The following DYNC1H1 variants were observed in gnomAD, a reference collection of about 807,000 sequenced individuals.
DYNC1H1 encodes the protein dynein cytoplasmic 1 heavy chain 1.
Under a neutral mutation model 527.1 loss-of-function variants are expected in DYNC1H1, and 51 were observed. The observed-to-expected ratio is 0.10, with a 90% confidence interval of 0.08 to 0.12. The LOEUF (loss-of-function observed/expected upper bound fraction) is 0.12. DYNC1H1 is among the 10% of genes least tolerant of loss of function. The pLI, the probability that DYNC1H1 is intolerant of heterozygous loss-of-function variation, is 1.00. For synonymous variants in DYNC1H1, 2,189 were observed against 2,278.8 expected (o/e 0.96, Z 1.12); for missense variants, 2,771 against 5,971.8 (o/e 0.46, Z 17.66).
At chr14:102,008,648 A>G (rs1156610128) in intron 29 of DYNC1H1, among the ~76,000 whole-genome samples, 2 of 152,102 alleles carry the variant, frequency 1.3e-5, no homozygotes, top group Non-Finnish European at 2.9e-5. Flanking sequence ...TTAGCCTGAC[A>G]TGGTGGTGCA....
At chr14:102,048,435 G>A (rs931462299) in intron 73 of DYNC1H1, 81 bp from the exon 74 acceptor site, 4 of 1,591,138 alleles carry the variant, frequency 2.5e-6, no homozygotes, top group Admixed American at 1.7e-5. Context: ...TCTCCCCGGA[G>A]GCCGAGTTAC....
Position 102,044,521 on chromosome 14 carries a change from G to GTT in DYNC1H1, c.12902+31_12902+32dup, listed in dbSNP as rs759124377. The GTT allele has an allele frequency of 3.1e-6, 5 of 1,614,178 alleles. No homozygotes were observed. The South Asian group carries it at 5.5e-5, about 18-fold the overall frequency. On this transcript the variant is annotated intron_variant, in intron 71 of 77. Transcript: ENST00000360184. This position sits in a 1 kb window ranked among gnomAD's most constrained non-coding sequence, Gnocchi z 7.1. The stretch of plus-strand genomic sequence containing the variant: ...GCTGCTGCCTGCTGGAATGGAGACA[G>GTT]TTGTGATGTCAGGGCGTCTGGTGTC...
At chr14:102,014,764 G>A (rs2048300554) in intron 34 of DYNC1H1, among the ~76,000 whole-genome samples, 1 of 152,116 alleles carries the variant, frequency 6.6e-6, no homozygotes, top group African/African-American at 2.4e-5. Flanking sequence ...TAGAGAGAAT[G>A]GTGAATACTG....
At position 102,044,797 on chromosome 14, in the gene DYNC1H1, CT is replaced by C; in HGVS notation, c.13006+100del. On this transcript the variant is annotated intron_variant, in intron 72 of 77. Transcript: ENST00000360184. The surrounding 1 kb of genome is among the most constrained non-coding windows in gnomAD (Gnocchi z 7.1). ...TCCCCACACGCAGGGTGAGTGTGCA[CT>C]GCTGTCCCAGGGCCCTCCCTGGTTA... is the stretch of plus-strand genomic sequence containing the variant. The C allele has an allele frequency of 7.1e-7, 1 of 1,398,800 alleles. No homozygotes were observed. The highest frequency in any genetic ancestry group is 1.0e-6 in the Non-Finnish European group (1 of 999,974). The allele number at this position is 1,398,800 out of a possible 1,614,324, so 86.6% of individuals were successfully genotyped here.
At chr14:102,028,234 A>G (rs2048472124) in intron 48 of DYNC1H1, 93 bp downstream of exon 48, 5 of 1,442,444 alleles carry the variant, frequency 3.5e-6, no homozygotes, top group Non-Finnish European at 4.8e-6. Context: ...CCTTAAGGCC[A>G]GGTGCAGTGA....
At chr14:102,009,585 A>G (rs2048235447) in intron 29 of DYNC1H1, 1 of 503,062 alleles carries the variant, frequency 2.0e-6, no homozygotes, top group African/African-American at 1.9e-5. Flanking sequence ...GTGTTGCCCA[A>G]ATAAAATAGT....
intron 11 of DYNC1H1, among the ~76,000 whole-genome samples, chr14:101,993,000 G>C (rs538012243): frequency 1.3e-5 from 2 of 151,468 alleles, no homozygotes; most frequent in African/African-American, 4.9e-5. Flanking sequence ...CTCTGTGTTC[G>C]TATCTCCAGC....
At chr14:101,987,015 A>C (rs1046469188) in intron 8 of DYNC1H1, among the ~76,000 whole-genome samples, 2 of 152,258 alleles carry the variant, frequency 1.3e-5, no homozygotes, top group Non-Finnish European at 2.9e-5. Context: ...AGTCCAACAG[A>C]GAGCAGAATG....
Position 102,002,683 on chromosome 14 carries a change from G to A in DYNC1H1, c.4689G>A (p.Val1563=). The change falls in exon 22 of 78, where the codon GTG becomes GTA. Residue 1563 remains valine, a synonymous_variant. Transcript: ENST00000360184. This position sits in a 1 kb window ranked among gnomAD's most constrained non-coding sequence, Gnocchi z 4.4. ...GSADIKHLLP[V]ETQRFQSIST... Reference sequence around the variant, plus strand: ...CAGATATCAAGCACCTGCTGCCAGTGGAAACCCAGCGGTTTCAGAGGTATG... The same window carrying A: ...CAGATATCAAGCACCTGCTGCCAGTAGAAACCCAGCGGTTTCAGAGGTATG... 1.2e-6 allele frequency: 2 copies of A among 1,614,256 alleles called. No individual in the cohort carries two copies. Among genetic ancestry groups the A allele is most frequent in the South Asian group, 1.1e-5 (1 of 91,084 alleles).
At chr14:102,047,697 T>C (rs920015786) in intron 72 of DYNC1H1, 120 bp from the exon 73 acceptor site, 35 of 1,079,488 alleles carry the variant, frequency 3.2e-5, no homozygotes, top group Non-Finnish European at 4.1e-5. Flanking sequence ...CAGATTTTGC[T>C]GCAGTTCCCA....
At position 102,041,467 on chromosome 14, in the gene DYNC1H1, G is replaced by T; in HGVS notation, c.11942-107G>T. On this transcript the variant is annotated intron_variant, in intron 64 of 77. Coordinates refer to ENST00000360184, the MANE Select transcript of DYNC1H1 (RefSeq NM_001376.5). The surrounding 1 kb of genome is among the most constrained non-coding windows in gnomAD (Gnocchi z 4.5). ...TCCTGATTTGAGCTGATCCTGAAAT[G>T]CTGAGCATTTGCTGAGTGGGTACTT... is the stretch of plus-strand genomic sequence containing the variant. The T allele has an allele frequency of 3.2e-6, 5 of 1,563,062 alleles. No individual in the cohort carries two copies. In the Middle Eastern group the frequency reaches 6.8e-4, roughly 213 times the overall value.
chr14:102,050,649 G>C lies in DYNC1H1; in HGVS notation c.*86G>C, dbSNP rs1429792032. On this transcript the variant is annotated 3_prime_UTR_variant, in exon 78 of 78. Coordinates refer to ENST00000360184, the MANE Select transcript of DYNC1H1 (RefSeq NM_001376.5). ...TAAAATATTTGGAAGGTCTGAGCTT[G>C]TGAAAAGAAAGTGGTTGGTCTGAGG... 15 of 1,606,396 alleles carry C rather than the reference G, an allele frequency of 9.3e-6. No individual in the cohort carries two copies. Among genetic ancestry groups the C allele is most frequent in the Non-Finnish European group, 1.3e-5 (15 of 1,175,330 alleles).
chr14:101,997,628 C>T lies in DYNC1H1; in HGVS notation c.3804+354C>T, dbSNP rs536812396. 2.6e-5 allele frequency among the ~76,000 whole-genome samples: 4 copies of T among 152,288 alleles called. No homozygotes were observed. The East Asian group carries it at 5.8e-4, about 22-fold the overall frequency. On this transcript the variant is annotated intron_variant, in intron 16 of 77. Transcript: ENST00000360184. The surrounding 1 kb of genome is among the most constrained non-coding windows in gnomAD (Gnocchi z 4.8). ...GTTAATTTAATTTTGGTTGGATGGT[C>T]TCTGTTTTTGCCAGTGCTGCCAGTG...
At position 102,039,577 on chromosome 14, in the gene DYNC1H1, G is replaced by C. The variant is rs17541512; in HGVS notation, c.11595+31G>C. On this transcript the variant is annotated intron_variant, in intron 61 of 77. Coordinates refer to ENST00000360184, the MANE Select transcript of DYNC1H1 (RefSeq NM_001376.5). This position sits in a 1 kb window ranked among gnomAD's most constrained non-coding sequence, Gnocchi z 7.0. ...GTGAGGTCCTCAGCCGCTCCCTGGC[G>C]GGGGGGAAGCAGGGTGCTGCTTCTC... 2.6e-4 allele frequency: 412 copies of C among 1,614,010 alleles called. No individual in the cohort carries two copies. The highest frequency in any genetic ancestry group is 1.0e-3 in the Admixed American group (63 of 60,018).
Position 102,033,761 on chromosome 14 carries a change from C to G in DYNC1H1, c.10414-215C>G. The G allele has an allele frequency of 1.4e-6, 1 of 690,246 alleles. No individual in the cohort carries two copies. Among genetic ancestry groups the G allele is most frequent in the South Asian group, 1.8e-5 (1 of 55,440 alleles). The allele number at this position is 690,246 out of a possible 1,614,324, so 42.8% of individuals were successfully genotyped here. The stretch of plus-strand genomic sequence containing the variant: ...TGCTCTGCTGCCTGAGGGCCTCGCT[C>G]CGTACCCAGCTTCTGCCCCGCTGAG... On this transcript the variant is annotated intron_variant, in intron 54 of 77. Transcript: ENST00000360184. This position sits in a 1 kb window ranked among gnomAD's most constrained non-coding sequence, Gnocchi z 5.6.
At chr14:102,031,558 G>A (rs904285669) in intron 51 of DYNC1H1, among the ~76,000 whole-genome samples, 2 of 152,114 alleles carry the variant, frequency 1.3e-5, no homozygotes, top group African/African-American at 2.4e-5. Flanking sequence ...TTAACTCCAC[G>A]TCTTTACGCA....
rs1332782601 is a variant in DYNC1H1, at chr14:102,007,891, C to A, written c.5818-287C>A. 2.6e-5 allele frequency among the ~76,000 whole-genome samples: 4 copies of A among 152,216 alleles called. No individual in the cohort carries two copies. In the East Asian group the frequency reaches 7.7e-4, roughly 29 times the overall value. ...TTCAGTTCCCAGTGAGGGCCCTCTT[C>A]CTGGCTTGCACGTGGCTATTTTGTC... On this transcript the variant is annotated intron_variant, in intron 28 of 77. Transcript: ENST00000360184.
At chr14:101,977,003 G>A (rs768261730) in intron 2 of DYNC1H1, among the ~76,000 whole-genome samples, 9 of 152,190 alleles carry the variant, frequency 5.9e-5, no homozygotes, top group Non-Finnish European at 1.0e-4. Context: ...ATATAAGCAA[G>A]TTAACGTTTG....
In DYNC1H1 at chr14:102,020,016, C is replaced by A. The variant is rs1248835520; in HGVS notation, c.8467C>A (p.Arg2823=). Residue 2823 remains arginine, a synonymous_variant, in exon 42 of 78, where the codon CGG becomes AGG. Transcript: ENST00000360184. This position sits in a 1 kb window ranked among gnomAD's most constrained non-coding sequence, Gnocchi z 4.3. The part of the protein sequence containing the change: ...LETLPVEGLI[R]IWAHEALRLF... ...GACCCTGCCTGTTGAAGGCCTCATT[C>A]GGATTTGGGCACATGAAGCTCTGCG... The A allele has an allele frequency of 4.3e-6, 7 of 1,614,004 alleles. No homozygotes were observed. The highest frequency in any genetic ancestry group is 5.9e-6 in the Non-Finnish European group (7 of 1,180,028).
Sources: allele counts gnomAD v4.1 joint callset (sites outside exome capture counted in the v4.1 genomes callset), GRCh38; gene constraint gnomAD v4.1.1; non-coding constraint Gnocchi (gnomAD v3.1); transcripts MANE v1.5; gene names NCBI Gene and HGNC (gene_info 2026-07-23, HGNC 2026-07-21).